Variants in SYT16 observed in about 807,000 individuals in gnomAD.
The protein encoded by SYT16 is synaptotagmin-16.
Under a neutral mutation model 61.4 loss-of-function variants are expected in SYT16, and 42 were observed. The observed-to-expected ratio is 0.68, with a 90% CI of 0.53 to 0.89. SYT16 has a LOEUF of 0.89. Ranked by LOEUF, SYT16 falls within the 40% of genes least tolerant of loss-of-function variation. The pLI is 0.00. For missense variants in SYT16, 804 were observed against 807.3 expected (o/e 1.00, Z 0.05); for synonymous variants, 314 against 302.3 (o/e 1.04, Z -0.40).
intron 3 of SYT16, among the ~76,000 whole-genome samples, chr14:62,059,206 G>A (rs1372091782): frequency 3.9e-5 from 6 of 151,972 alleles, no homozygotes; most frequent in Non-Finnish European, 1.5e-5. Flanking sequence ...ACCTGCACAC[G>A]TACCCCTGAA....
chr14:62,093,824 A>T (rs918519302), intron 7 of SYT16, among the ~76,000 whole-genome samples: 1 of 152,172 alleles, frequency 6.6e-6, no homozygotes, highest in Admixed American at 6.5e-5. Flanking sequence ...TAGAAGATGT[A>T]TTAATATAGA....
At chr14:61,881,687 C>T (rs774192711) in intron 1 of SYT16, among the ~76,000 whole-genome samples, 1 of 152,156 alleles carries the variant, frequency 6.6e-6, no homozygotes. Flanking sequence ...CCAGTGTTGA[C>T]AGTAGATTGA....
chr14:61,990,771 C>A (rs1445038704), intron 2 of SYT16, among the ~76,000 whole-genome samples: 1 of 152,154 alleles, frequency 6.6e-6, no homozygotes, highest in Non-Finnish European at 1.5e-5. Context: ...ATTTAACTAA[C>A]AACCCTTAAA....
intron 1 of SYT16, among the ~76,000 whole-genome samples, chr14:61,922,086 T>C (rs949203021): frequency 1.3e-5 from 2 of 152,160 alleles, no homozygotes; most frequent in Non-Finnish European, 2.9e-5. Context: ...CTTAGTGCCT[T>C]GTGTAAAGAG....
intron 1 of SYT16, among the ~76,000 whole-genome samples, chr14:61,822,977 C>A (rs570437799): frequency 5.9e-4 from 89 of 152,116 alleles, no homozygotes; most frequent in Non-Finnish European, 7.4e-4. Flanking sequence ...TTTTAAGGCT[C>A]TATTTTTTTA....
chr14:62,038,727 A>T (rs1437378888), intron 3 of SYT16, among the ~76,000 whole-genome samples: 1 of 152,188 alleles, frequency 6.6e-6, no homozygotes, highest in Non-Finnish European at 1.5e-5. Flanking sequence ...GGAAAATGTG[A>T]TGGAAGGACT....
At chr14:61,918,032 C>T (rs983004335) in intron 1 of SYT16, among the ~76,000 whole-genome samples, 2 of 152,038 alleles carry the variant, frequency 1.3e-5, no homozygotes, top group South Asian at 2.1e-4. Context: ...GGTGTCCTGT[C>T]GGTATTCAAA....
intron 7 of SYT16, among the ~76,000 whole-genome samples, chr14:62,086,516 A>G (rs1325915117): frequency 6.6e-6 from 1 of 152,056 alleles, no homozygotes. Flanking sequence ...AAACAAACAA[A>G]AAATTGTGTT....
intron 1 of SYT16, among the ~76,000 whole-genome samples, chr14:61,814,881 C>T (rs759606162): frequency 3.4e-4 from 52 of 152,190 alleles, no homozygotes; most frequent in Admixed American, 1.2e-3. Flanking sequence ...ATGTTTGCAG[C>T]CCGAAGTCCT....
chr14:61,998,328 TCTC>T (rs949715435), intron 3 of SYT16, among the ~76,000 whole-genome samples: 1 of 151,958 alleles, frequency 6.6e-6, no homozygotes, highest in African/African-American at 2.4e-5. Flanking sequence ...GTCAGAAAAT[TCTC>T]CTACATTCCT....
intron 1 of SYT16, among the ~76,000 whole-genome samples, chr14:61,934,631 T>C (rs566299778): frequency 1.3e-5 from 2 of 152,300 alleles, no homozygotes; most frequent in East Asian, 3.9e-4. Context: ...CCCAAAAGCG[T>C]TGGATGCAGC....
chr14:61,895,490 C>G (rs951815281), intron 1 of SYT16, among the ~76,000 whole-genome samples: 17 of 152,160 alleles, frequency 1.1e-4, no homozygotes, highest in African/African-American at 4.1e-4. Flanking sequence ...GTTTTCTCAT[C>G]TGCAAAATGA....
At chr14:61,920,732 A>C (rs963513109) in intron 1 of SYT16, among the ~76,000 whole-genome samples, 2 of 152,180 alleles carry the variant, frequency 1.3e-5, no homozygotes, top group African/African-American at 4.8e-5. Flanking sequence ...CAGCCATACA[A>C]ATAGTTGACT....
In SYT16 at chr14:62,082,104, G is replaced by A. The variant is rs183998676; in HGVS notation, c.1434+830G>A. ...TTCTTTGAGGTGGTGATAAAACGCCGGAACTCAAAGCATCGAGAGAGCGAG... is the reference window on the plus strand; with the variant it reads ...TTCTTTGAGGTGGTGATAAAACGCCAGAACTCAAAGCATCGAGAGAGCGAG... On this transcript the variant is annotated intron_variant, in intron 6 of 7. Coordinates refer to ENST00000683842, the MANE Select transcript of SYT16 (RefSeq NM_001367656.1). 8.5e-4 allele frequency among the ~76,000 whole-genome samples: 130 copies of A among 152,212 alleles called. 1 individual carries two copies. Among genetic ancestry groups the A allele is most frequent in the Middle Eastern group, 3.4e-3 (1 of 294 alleles).
chr14:62,051,134 C>A (rs192721987), intron 3 of SYT16, among the ~76,000 whole-genome samples: 1 of 152,234 alleles, frequency 6.6e-6, no homozygotes, highest in Non-Finnish European at 1.5e-5. Context: ...TCGAGCTTCC[C>A]GGCTGCTTTG....
chr14:61,984,737 G>A (rs1253824146), intron 2 of SYT16, among the ~76,000 whole-genome samples: 1 of 152,054 alleles, frequency 6.6e-6, no homozygotes, highest in Non-Finnish European at 1.5e-5. Flanking sequence ...AATATAACTA[G>A]CATTTTGGTT....
chr14:61,821,325 T>C (rs954195569), intron 1 of SYT16, among the ~76,000 whole-genome samples: 5 of 152,204 alleles, frequency 3.3e-5, no homozygotes, highest in Non-Finnish European at 5.9e-5. Context: ...ACAGTGTTTT[T>C]TAAATACTCC....
At chr14:62,062,168 TC>T (rs1307387932) in intron 3 of SYT16, among the ~76,000 whole-genome samples, 1 of 152,194 alleles carries the variant, frequency 6.6e-6, no homozygotes, top group Non-Finnish European at 1.5e-5. Context: ...TCAAAACATC[TC>T]ATACAAGGTT....
intron 1 of SYT16, among the ~76,000 whole-genome samples, chr14:61,847,005 C>CT (rs2046464180): frequency 6.6e-6 from 1 of 152,118 alleles, no homozygotes; most frequent in Non-Finnish European, 1.5e-5. Context: ...TTATATCTTA[C>CT]TGTACTGTCT....
Sources: allele counts gnomAD v4.1 joint callset (sites outside exome capture counted in the v4.1 genomes callset), GRCh38; gene constraint gnomAD v4.1.1; transcripts MANE v1.5; gene names NCBI Gene and HGNC (gene_info 2026-07-23, HGNC 2026-07-21).